Variants in TRPC6 observed in about 807,000 individuals in gnomAD.
The protein encoded by TRPC6 is transient receptor potential cation channel subfamily C member 6.
Under a neutral mutation model 90.7 loss-of-function variants are expected in TRPC6, and 55 were observed. That is an observed-to-expected ratio of 0.61 (90% confidence interval 0.49 to 0.76). The LOEUF (loss-of-function observed/expected upper bound fraction) is 0.76, where lower values mean the gene tolerates loss of function less well. TRPC6 is among the 30% of genes least tolerant of loss of function. The pLI is 0.00. For synonymous variants in TRPC6, 393 were observed against 393.0 expected (o/e 1.00, Z 0.00); for missense variants, 989 against 1,122.7 (o/e 0.88, Z 1.70).
chr11:101,492,441 C>T (rs938226235), intron 2 of TRPC6, among the ~76,000 whole-genome samples: 3 of 151,882 alleles, frequency 2.0e-5, no homozygotes, highest in Non-Finnish European at 2.9e-5. Context: ...AAAAATTAGC[C>T]GGGAGTGGGG....
In TRPC6 at chr11:101,572,360, C is replaced by T. The variant is rs528532586; in HGVS notation, c.170+10974G>A. Among the ~76,000 whole-genome samples, 4 of 152,260 alleles carry T rather than the reference C, an allele frequency of 2.6e-5. No individual in the cohort carries two copies. In the East Asian group the frequency reaches 5.8e-4, roughly 22 times the overall value. ...TGATCATTAAAAAGTCTGGAAACAA[C>T]AGATGCTGGAGAGGATGTGGAGAAA... On this transcript the variant is annotated intron_variant, in intron 1 of 12. Transcript: ENST00000344327.
intron 2 of TRPC6, among the ~76,000 whole-genome samples, chr11:101,499,473 C>T (rs1341003899): frequency 6.7e-6 from 1 of 150,240 alleles, no homozygotes; most frequent in Non-Finnish European, 1.5e-5. Flanking sequence ...AATTTTATTC[C>T]ATAAAACCTT....
At chr11:101,560,924 T>A (rs1228879843) in intron 1 of TRPC6, among the ~76,000 whole-genome samples, 1 of 152,156 alleles carries the variant, frequency 6.6e-6, no homozygotes, top group Non-Finnish European at 1.5e-5. Flanking sequence ...GAAGTCAACC[T>A]GAACTACCCA....
intron 1 of TRPC6, among the ~76,000 whole-genome samples, chr11:101,516,146 C>A (rs908226950): frequency 3.3e-5 from 5 of 151,234 alleles, no homozygotes; most frequent in African/African-American, 1.2e-4. Flanking sequence ...ATCCCCTCCC[C>A]AAAAACTGTG....
intron 1 of TRPC6, among the ~76,000 whole-genome samples, chr11:101,575,812 G>A (rs1021903704): frequency 3.3e-5 from 5 of 152,192 alleles, no homozygotes; most frequent in South Asian, 2.1e-4. Flanking sequence ...TCTTCTATCC[G>A]TACCCAGGAT....
intron 3 of TRPC6, among the ~76,000 whole-genome samples, chr11:101,489,828 G>A (rs1209210823): frequency 6.6e-6 from 1 of 152,024 alleles, no homozygotes; most frequent in Non-Finnish European, 1.5e-5. Context: ...AACTACAAGT[G>A]AATCTTAAGG....
At chr11:101,568,309 G>A (rs909704780) in intron 1 of TRPC6, among the ~76,000 whole-genome samples, 2 of 152,094 alleles carry the variant, frequency 1.3e-5, no homozygotes, top group Non-Finnish European at 1.5e-5. Context: ...GACAAGATTA[G>A]AGAAAAAAGA....
At chr11:101,578,365 C>G (rs1273202283) in intron 1 of TRPC6, among the ~76,000 whole-genome samples, 1 of 152,186 alleles carries the variant, frequency 6.6e-6, no homozygotes, top group Non-Finnish European at 1.5e-5. Context: ...GAAAGATTCT[C>G]TAGCCTACAG....
intron 1 of TRPC6, among the ~76,000 whole-genome samples, chr11:101,535,150 A>G (rs1861007891): frequency 6.7e-6 from 1 of 149,332 alleles, no homozygotes; most frequent in South Asian, 2.1e-4. Context: ...TGGGTGACAG[A>G]GCAAGATTCT....
chr11:101,578,900 C>CT (rs1862129901), intron 1 of TRPC6, among the ~76,000 whole-genome samples: 1 of 152,044 alleles, frequency 6.6e-6, no homozygotes, highest in East Asian at 1.9e-4. Context: ...ATTCAAATCT[C>CT]TGTTTTCTTT....
intron 1 of TRPC6, among the ~76,000 whole-genome samples, chr11:101,514,468 G>T (rs915276521): frequency 3.3e-5 from 5 of 152,124 alleles, no homozygotes; most frequent in Admixed American, 1.3e-4. Flanking sequence ...GACTCAGCCC[G>T]CAGGCAGAGA....
chr11:101,541,848 G>A (rs1037402334), intron 1 of TRPC6, among the ~76,000 whole-genome samples: 3 of 152,152 alleles, frequency 2.0e-5, no homozygotes, highest in East Asian at 1.9e-4. Flanking sequence ...CATTGGTAAC[G>A]ACAATGGGCT....
At position 101,499,726 on chromosome 11, in the gene TRPC6, T is replaced by A. The variant is rs1407136192; in HGVS notation, c.945+4298A>T. Among the ~76,000 whole-genome samples, 24 of 29,076 alleles carry A rather than the reference T, an allele frequency of 8.3e-4. 6 individuals are homozygous for A. The highest frequency in any genetic ancestry group is 3.4e-3 in the African/African-American group (18 of 5,280). The allele number at this position is 29,076 out of a possible 152,430, so 19.1% of individuals were successfully genotyped here. A position where few individuals can be genotyped will look rare whatever the true frequency, so the allele number is the denominator to read the frequency against. On this transcript the variant is annotated intron_variant, in intron 2 of 12. Transcript: ENST00000344327. ...ATATATATACACATTTTATATTGTG[T>A]ATATGTGTATATATATATACACAAT...
At chr11:101,486,937 A>G (rs1381940681) in intron 4 of TRPC6, among the ~76,000 whole-genome samples, 1 of 152,156 alleles carries the variant, frequency 6.6e-6, no homozygotes, top group Non-Finnish European at 1.5e-5. Flanking sequence ...GGTTTTGGAT[A>G]GGAGAAAAAA....
chr11:101,465,101 T>C (rs1859110560), intron 10 of TRPC6, among the ~76,000 whole-genome samples: 1 of 152,220 alleles, frequency 6.6e-6, no homozygotes, highest in South Asian at 2.1e-4. Flanking sequence ...TCTTTAAGGA[T>C]GTTGAATATT....
intron 10 of TRPC6, among the ~76,000 whole-genome samples, chr11:101,459,727 T>C (rs183653113): frequency 7.2e-5 from 11 of 152,302 alleles, no homozygotes; most frequent in Admixed American, 5.2e-4. Context: ...TGACTTATTA[T>C]ACATCCTTCA....
At position 101,504,027 on chromosome 11, in the gene TRPC6, G is replaced by T; in HGVS notation, c.942C>A (p.Phe314Leu). The T allele has an allele frequency of 1.2e-6, 2 of 1,614,024 alleles. No individual in the cohort carries two copies. Among genetic ancestry groups the T allele is most frequent in the South Asian group, 1.1e-5 (1 of 91,066 alleles). Residue 314 changes from phenylalanine to leucine, a missense_variant, in exon 2 of 13, where the codon TTC (phenylalanine) becomes TTA (leucine). Physicochemically the swap from Phe to Leu is conservative, Grantham distance 22. Around this residue, in one of 4 missense-constraint regions of TRPC6, gnomAD observed 486 missense variants for 591.9 expected, o/e 0.82. Transcript: ENST00000344327. ...GTCTCTATTGTTAGTGACCTACCTTGAACTCTTTCTCAATATTGGCCAGAA... is the reference window on the plus strand; with the variant it reads ...GTCTCTATTGTTAGTGACCTACCTTTAACTCTTTCTCAATATTGGCCAGAA... ...LAVLANIEKEFKNDYKKLSMQ... is the reference protein window; with the variant it reads ...LAVLANIEKELKNDYKKLSMQ...
chr11:101,581,742 G>T (rs1202770732), intron 1 of TRPC6, among the ~76,000 whole-genome samples: 2 of 152,020 alleles, frequency 1.3e-5, no homozygotes, highest in South Asian at 2.1e-4. Context: ...GTTTTTTCTT[G>T]TCATATATCA....
At chr11:101,508,871 C>T (rs1860333315) in intron 1 of TRPC6, among the ~76,000 whole-genome samples, 2 of 151,760 alleles carry the variant, frequency 1.3e-5, no homozygotes, top group South Asian at 4.2e-4. Flanking sequence ...TTTTTTTCAT[C>T]CATTAAAATG....
Sources: allele counts gnomAD v4.1 joint callset (sites outside exome capture counted in the v4.1 genomes callset), GRCh38; gene constraint gnomAD v4.1.1; regional missense constraint gnomAD v4.1.1; transcripts MANE v1.5; gene names NCBI Gene and HGNC (gene_info 2026-07-23, HGNC 2026-07-21).